Variants in OGDH observed in about 807,000 individuals in gnomAD.
OGDH encodes the protein oxoglutarate dehydrogenase.
In OGDH, 38 loss-of-function variants were observed where a neutral mutation model predicts 116.6. That is an observed-to-expected ratio of 0.33 (90% CI 0.25 to 0.43). The LOEUF is 0.43. OGDH is among the 20% of genes least tolerant of loss of function. The pLI is 1.00. For missense variants in OGDH, 825 were observed against 1,357.2 expected (o/e 0.61, Z 6.16); for synonymous variants, 488 against 533.3 (o/e 0.92, Z 1.17).
intron 1 of OGDH, among the ~76,000 whole-genome samples, chr7:44,613,324 C>T (rs574247123): frequency 3.3e-5 from 5 of 151,446 alleles, no homozygotes; most frequent in Non-Finnish European, 5.9e-5. Context: ...TATAGGCACC[C>T]GCCACCACAC....
At chr7:44,607,148 T>A (rs569394593) in intron 1 of OGDH, among the ~76,000 whole-genome samples, 3 of 152,130 alleles carry the variant, frequency 2.0e-5, no homozygotes, top group Non-Finnish European at 4.4e-5. Flanking sequence ...CCTGCTCGAG[T>A]TGCGTCGGAG....
intron 1 of OGDH, among the ~76,000 whole-genome samples, chr7:44,606,871 G>T (rs973434758): frequency 6.6e-6 from 1 of 152,120 alleles, no homozygotes; most frequent in African/African-American, 2.4e-5. Flanking sequence ...GAGCCGCGGG[G>T]CCTGCCCGGC....
chr7:44,640,050 G>A (rs1785859610), intron 2 of OGDH, among the ~76,000 whole-genome samples: 1 of 152,230 alleles, frequency 6.6e-6, no homozygotes, highest in Non-Finnish European at 1.5e-5. Context: ...CCTGTCTCCA[G>A]GGCCTAGGCT....
chr7:44,705,843 G>A lies in OGDH; in HGVS notation c.2633-1382G>A, dbSNP rs1396052300. Reference sequence around the variant, plus strand: ...CTTAAGTCAGGGTATTAGGGTGTCCGTCACCCGAGTACGATACATGTTTGT... The same window carrying A: ...CTTAAGTCAGGGTATTAGGGTGTCCATCACCCGAGTACGATACATGTTTGT... On this transcript the variant is annotated intron_variant, in intron 20 of 22. Coordinates refer to ENST00000222673, the MANE Select transcript of OGDH (RefSeq NM_002541.4). Among the ~76,000 whole-genome samples the A allele has an allele frequency of 3.9e-5, 6 of 152,196 alleles. No individual in the cohort carries two copies. The East Asian group carries it at 5.8e-4, about 15-fold the overall frequency.
chr7:44,707,455 A>C lies in OGDH; in HGVS notation c.2796+67A>C, dbSNP rs1789133234. The C allele has an allele frequency of 6.2e-7, 1 of 1,601,962 alleles. No individual in the cohort carries two copies. The stretch of plus-strand genomic sequence containing the variant: ...GTCAGGGCTCTGGTGCCTTCACAGA[A>C]CAGCCTTGCTTGGGGTGTGGCCCTC... On this transcript the variant is annotated intron_variant, in intron 21 of 22. Coordinates refer to ENST00000222673, the MANE Select transcript of OGDH (RefSeq NM_002541.4). The surrounding 1 kb of genome is among the most constrained non-coding windows in gnomAD (Gnocchi z 5.2).
intron 6 of OGDH, 84 bp downstream of exon 6, chr7:44,674,025 C>T (rs1787582555): frequency 1.3e-6 from 2 of 1,539,706 alleles, no homozygotes; most frequent in East Asian, 4.6e-5. Flanking sequence ...TGTGTGCAGC[C>T]TGTTGGCCGA....
Position 44,666,813 on chromosome 7 carries a change from T to C in OGDH, c.595T>C (p.Ser199Pro), listed in dbSNP as rs1787205215. The C allele has an allele frequency of 1.1e-5, 18 of 1,613,046 alleles. No homozygotes were observed. The highest frequency in any genetic ancestry group is 1.4e-5 in the Non-Finnish European group (17 of 1,179,542). The change falls in exon 5 of 23, where the codon TCA becomes CCA. Residue 199 changes from serine to proline, a missense_variant. Ser to Pro is a moderately conservative substitution (Grantham distance 74). Transcript: ENST00000222673. ...CACCACTTTCATCGGGGGACAGGAA[T>C]CAGCACTTCCTCTGCGGGAGATCAT... Reference protein sequence around the residue: ...PTTTFIGGQESALPLREIIRR... With the variant: ...PTTTFIGGQEPALPLREIIRR...
chr7:44,693,742 C>T, intron 10 of OGDH, 83 bp from the exon 11 acceptor site: 1 of 1,290,222 alleles, frequency 7.8e-7, no homozygotes, highest in East Asian at 2.5e-5. Flanking sequence ...CAAGTGCATG[C>T]CATGCCCGGC....
intron 5 of OGDH, among the ~76,000 whole-genome samples, chr7:44,671,559 C>A (rs945229121): frequency 6.6e-6 from 1 of 150,478 alleles, no homozygotes; most frequent in Non-Finnish European, 1.5e-5. Flanking sequence ...GTCAGGAGAT[C>A]GAGACCATCC....
At chr7:44,634,163 A>G (rs1785564954) in intron 2 of OGDH, among the ~76,000 whole-genome samples, 1 of 152,206 alleles carries the variant, frequency 6.6e-6, no homozygotes, top group Admixed American at 6.5e-5. Flanking sequence ...CTGGCTGTTC[A>G]CTGGGCCCTG....
At chr7:44,646,435 C>T (rs988107851) in intron 3 of OGDH, among the ~76,000 whole-genome samples, 2 of 152,238 alleles carry the variant, frequency 1.3e-5, no homozygotes, top group African/African-American at 4.8e-5. Context: ...ATGCCATGGC[C>T]TGGCAAGTAA....
chr7:44,616,027 A>G (rs78398599), intron 1 of OGDH, among the ~76,000 whole-genome samples: 9,916 of 150,724 alleles, frequency 0.066, 398 homozygotes, highest in East Asian at 0.12. Flanking sequence ...AGACCCTGAC[A>G]GAAAGAAAAA....
intron 1 of OGDH, among the ~76,000 whole-genome samples, chr7:44,623,984 T>G (rs185839071): frequency 6.6e-6 from 1 of 152,108 alleles, no homozygotes; most frequent in Non-Finnish European, 1.5e-5. Context: ...TATCTGCAAC[T>G]GTGCACTCAC....
intron 18 of OGDH, among the ~76,000 whole-genome samples, chr7:44,698,841 A>T (rs1788701463): frequency 7.9e-6 from 1 of 126,862 alleles, no homozygotes; most frequent in Non-Finnish European, 1.7e-5. Context: ...ACCCTGTCTT[A>T]AAAAAAAAAA....
At chr7:44,648,739 A>G (rs573299593) in intron 4 of OGDH, among the ~76,000 whole-genome samples, 131 of 152,284 alleles carry the variant, frequency 8.6e-4, no homozygotes, top group African/African-American at 3.0e-3. Flanking sequence ...ATCAAACATC[A>G]TTGACTTTGG....
In OGDH at chr7:44,697,504, G is replaced by A. The variant is rs1360016626; in HGVS notation, c.2179+7G>A. 6.2e-7 allele frequency: 1 copy of A among 1,613,810 alleles called. No homozygotes were observed. Among genetic ancestry groups the A allele is most frequent in the African/African-American group, 1.3e-5 (1 of 74,924 alleles). ...TCTGAGTACGGCGTGCTGGGTGAGT[G>A]CCTGGAGCCACACCACCAGGGCCTG... is the stretch of plus-strand genomic sequence containing the variant. On this transcript the variant is annotated splice_region_variant and intron_variant, in intron 16 of 22. Transcript: ENST00000222673. The surrounding 1 kb of genome is among the most constrained non-coding windows in gnomAD (Gnocchi z 6.0).
At chr7:44,679,263 A>G (rs1787825262) in intron 9 of OGDH, among the ~76,000 whole-genome samples, 1 of 152,198 alleles carries the variant, frequency 6.6e-6, no homozygotes, top group African/African-American at 2.4e-5. Context: ...CACTATCGGG[A>G]TCAGGAAAGC....
chr7:44,628,385 T>C (rs1785289905), intron 2 of OGDH, among the ~76,000 whole-genome samples: 2 of 152,062 alleles, frequency 1.3e-5, no homozygotes, highest in East Asian at 1.9e-4. Flanking sequence ...TATTTTACTT[T>C]TTTTTACATT....
intron 9 of OGDH, 83 bp downstream of exon 9, chr7:44,676,232 G>A: frequency 6.2e-7 from 1 of 1,612,166 alleles, no homozygotes; most frequent in Non-Finnish European, 8.5e-7. Context: ...ACATAACCCA[G>A]AGCCCTGGGT....
Sources: allele counts gnomAD v4.1 joint callset (sites outside exome capture counted in the v4.1 genomes callset), GRCh38; gene constraint gnomAD v4.1.1; non-coding constraint Gnocchi (gnomAD v3.1); transcripts MANE v1.5; gene names NCBI Gene and HGNC (gene_info 2026-07-23, HGNC 2026-07-21).